The following VWC2 variants were observed in gnomAD, a reference collection of about 807,000 sequenced individuals.
VWC2 encodes brorin.
A neutral mutation model predicts 29.8 loss-of-function variants in VWC2; 14 were observed. The observed-to-expected ratio is 0.47, with a 90% CI of 0.31 to 0.74. VWC2 has a LOEUF of 0.74. Ranked by LOEUF, VWC2 falls within the 30% of genes least tolerant of loss-of-function variation. VWC2 has a pLI of 0.05. For missense variants in VWC2, 457 were observed against 459.8 expected (o/e 0.99, Z 0.05); for synonymous variants, 213 against 199.0 (o/e 1.07, Z -0.59).
intron 3 of VWC2, among the ~76,000 whole-genome samples, chr7:49,847,785 G>C (rs569331129): frequency 4.1e-4 from 63 of 152,288 alleles, no homozygotes; most frequent in African/African-American, 1.4e-3. Context: ...CCTGTGTCTG[G>C]AACCTGGCCC....
intron 3 of VWC2, among the ~76,000 whole-genome samples, chr7:49,848,667 GTTTC>G (rs1562729523): frequency 1.3e-5 from 2 of 152,162 alleles, no homozygotes; most frequent in African/African-American, 4.8e-5. Context: ...ATTGACTGTC[GTTTC>G]TCACCTCCTC....
chr7:49,806,730 G>GTGTGTT (rs901165310), intron 3 of VWC2, among the ~76,000 whole-genome samples: 5 of 151,990 alleles, frequency 3.3e-5, no homozygotes, highest in African/African-American at 1.2e-4. Flanking sequence ...GTGTGTGTGT[G>GTGTGTT]TGTGTTTGTG....
chr7:49,843,802 G>A (rs749835495), intron 3 of VWC2, among the ~76,000 whole-genome samples: 6 of 152,350 alleles, frequency 3.9e-5, no homozygotes, highest in Non-Finnish European at 8.8e-5. Context: ...CTTAACCTGG[G>A]CACTGATGTG....
chr7:49,817,458 G>A (rs1789173778), intron 3 of VWC2, among the ~76,000 whole-genome samples: 1 of 152,200 alleles, frequency 6.6e-6, no homozygotes, highest in South Asian at 2.1e-4. Context: ...AAATAACCCT[G>A]TAGATGACTT....
chr7:49,845,738 C>T (rs1317279563), intron 3 of VWC2, among the ~76,000 whole-genome samples: 1 of 152,194 alleles, frequency 6.6e-6, no homozygotes, highest in African/African-American at 2.4e-5. Context: ...AAGAGCACTT[C>T]CCAGTACAAA....
intron 3 of VWC2, among the ~76,000 whole-genome samples, chr7:49,826,626 T>C (rs1157731659): frequency 1.3e-5 from 2 of 152,208 alleles, no homozygotes; most frequent in Non-Finnish European, 2.9e-5. Context: ...TAAAATTATG[T>C]GCTGTTTAGA....
intron 3 of VWC2, among the ~76,000 whole-genome samples, chr7:49,817,484 G>A (rs909951076): frequency 3.3e-5 from 5 of 152,174 alleles, no homozygotes; most frequent in African/African-American, 1.2e-4. Flanking sequence ...ATCTGTCTCC[G>A]TCTCCAGGAG....
At chr7:49,861,710 A>G (rs947399424) in intron 3 of VWC2, among the ~76,000 whole-genome samples, 2 of 152,222 alleles carry the variant, frequency 1.3e-5, no homozygotes, top group Non-Finnish European at 2.9e-5. Context: ...TCTTTTGCAC[A>G]TGGCTTTCTA....
At chr7:49,865,053 T>C (rs574637660) in intron 3 of VWC2, among the ~76,000 whole-genome samples, 2 of 152,330 alleles carry the variant, frequency 1.3e-5, no homozygotes, top group East Asian at 1.9e-4. Flanking sequence ...AAAGATCTTA[T>C]TTTTTGTAAA....
rs536769930 is a variant in VWC2 at position 49,788,869 on chromosome 7, T to G, written c.696+12738T>G. 1.4e-3 allele frequency among the ~76,000 whole-genome samples: 194 copies of G among 137,786 alleles called. 1 individual carries two copies. The highest frequency in any genetic ancestry group is 4.6e-3 in the Middle Eastern group (1 of 218). 90.4% of individuals were successfully genotyped at this position (137,786 alleles called of 152,430 possible). The stretch of plus-strand genomic sequence containing the variant: ...GTGAGCATGTGTGTGAGCGTGTGTG[T>G]GGGGGGTGTGAGGGTGTGTGTGGAG... On this transcript the variant is annotated intron_variant, in intron 2 of 3. Transcript: ENST00000340652.
At position 49,915,812 on chromosome 7, in the gene VWC2, G is replaced by T. The variant is rs1295366478; in HGVS notation, c.*3627G>T. 1 of 152,082 alleles carries T rather than the reference G, an allele frequency of 6.6e-6. No homozygotes were observed. The highest frequency in any genetic ancestry group is 1.5e-5 in the Non-Finnish European group (1 of 67,990). The allele number at this position is 152,082 out of a possible 1,614,324, so 9.4% of individuals were successfully genotyped here. On this transcript the variant is annotated 3_prime_UTR_variant, in exon 4 of 4. Transcript: ENST00000340652. Reference sequence around the variant, plus strand: ...ATATCATATTTTTCCCCAACATAATGTTATTATGAAGAGTATCAGATGTAC... The same window carrying T: ...ATATCATATTTTTCCCCAACATAATTTTATTATGAAGAGTATCAGATGTAC...
chr7:49,797,988 G>T (rs1271487695), intron 2 of VWC2, among the ~76,000 whole-genome samples: 1 of 152,240 alleles, frequency 6.6e-6, no homozygotes, highest in Non-Finnish European at 1.5e-5. Flanking sequence ...AACTTAGGTT[G>T]TCCCTAGTTA....
At chr7:49,796,205 C>A (rs905874966) in intron 2 of VWC2, among the ~76,000 whole-genome samples, 1 of 152,034 alleles carries the variant, frequency 6.6e-6, no homozygotes, top group Non-Finnish European at 1.5e-5. Flanking sequence ...AAGTTCTATG[C>A]TGAAGTTTCT....
At chr7:49,828,521 C>T (rs905211385) in intron 3 of VWC2, among the ~76,000 whole-genome samples, 1 of 152,148 alleles carries the variant, frequency 6.6e-6, no homozygotes, top group Admixed American at 6.5e-5. Context: ...AACATCCTCA[C>T]CAACACTCAG....
At chr7:49,792,856 C>G (rs943774529) in intron 2 of VWC2, among the ~76,000 whole-genome samples, 1 of 152,184 alleles carries the variant, frequency 6.6e-6, no homozygotes, top group Non-Finnish European at 1.5e-5. Context: ...CATCTTGGTA[C>G]TGTGATGTCG....
intron 3 of VWC2, among the ~76,000 whole-genome samples, chr7:49,857,481 G>A (rs1198624797): frequency 6.6e-6 from 1 of 152,186 alleles, no homozygotes; most frequent in Admixed American, 6.5e-5. Flanking sequence ...GAATAGTGCT[G>A]CAATTAACAT....
intron 3 of VWC2, among the ~76,000 whole-genome samples, chr7:49,899,510 A>T (rs1206313964): frequency 6.6e-6 from 1 of 152,040 alleles, no homozygotes; most frequent in African/African-American, 2.4e-5. Flanking sequence ...TAATCAAAAT[A>T]AAGGATAAGT....
chr7:49,797,588 G>A (rs1788622766), intron 2 of VWC2, among the ~76,000 whole-genome samples: 1 of 152,160 alleles, frequency 6.6e-6, no homozygotes, highest in Admixed American at 6.5e-5. Context: ...GTGGGGGTCA[G>A]GTCAGACGTG....
chr7:49,799,353 G>A (rs1202962695), intron 2 of VWC2, among the ~76,000 whole-genome samples: 3 of 152,244 alleles, frequency 2.0e-5, no homozygotes, highest in Non-Finnish European at 4.4e-5. Flanking sequence ...TAGGGGTCCC[G>A]GAATGTCCCT....
Sources: allele counts gnomAD v4.1 joint callset (sites outside exome capture counted in the v4.1 genomes callset), GRCh38; gene constraint gnomAD v4.1.1; transcripts MANE v1.5; gene names NCBI Gene and HGNC (gene_info 2026-07-23, HGNC 2026-07-21).